Variants in CNTN3 observed in about 807,000 individuals in gnomAD.
CNTN3 encodes the protein contactin-3.
CNTN3 carries 60 observed loss-of-function variants against 119.1 expected under a neutral mutation model. That is an observed-to-expected ratio of 0.50 (90% confidence interval 0.41 to 0.62). The LOEUF is 0.62. Ranked by LOEUF, CNTN3 falls within the 20% of genes least tolerant of loss-of-function variation. CNTN3 has a pLI of 0.00. For synonymous variants in CNTN3, 450 were observed against 438.7 expected (o/e 1.03, Z -0.32); for missense variants, 1,101 against 1,242.4 (o/e 0.89, Z 1.71).
In CNTN3 at chr3:74,334,791, T is replaced by C; in HGVS notation, c.1612A>G (p.Asn538Asp). ...LLDIIFTWYF[N>D]GALADFKKDG... Reference sequence around the variant, plus strand: ...TTCTTAAAATCTGCAAGGGCCCCATTGAAATACCAGGTAAAGATGATGTCT... The same window carrying C: ...TTCTTAAAATCTGCAAGGGCCCCATCGAAATACCAGGTAAAGATGATGTCT... The change falls in exon 13 of 23, where the codon AAT becomes GAT. Residue 538 changes from asparagine (N) to aspartate (D), a missense_variant. By Grantham distance (23) the Asn-to-Asp change is conservative. Coordinates refer to ENST00000263665, the MANE Select transcript of CNTN3 (RefSeq NM_020872.3). 1 of 1,613,490 alleles carries C rather than the reference T, an allele frequency of 6.2e-7. No individual in the cohort carries two copies. The highest frequency in any genetic ancestry group is 8.5e-7 in the Non-Finnish European group (1 of 1,179,620).
At chr3:74,574,089 G>A (rs1023074880) in intron 1 of CNTN3, among the ~76,000 whole-genome samples, 1 of 152,096 alleles carries the variant, frequency 6.6e-6, no homozygotes, top group Admixed American at 6.5e-5. Context: ...TATGTTATAT[G>A]AATAAAATGG....
chr3:74,607,938 T>C (rs1203523995), intron 1 of CNTN3, among the ~76,000 whole-genome samples: 1 of 152,084 alleles, frequency 6.6e-6, no homozygotes, highest in African/African-American at 2.4e-5. Context: ...GACAACTGAA[T>C]AAGGTCTGCA....
At chr3:74,570,439 A>G (rs890208634) in intron 1 of CNTN3, among the ~76,000 whole-genome samples, 5 of 150,306 alleles carry the variant, frequency 3.3e-5, no homozygotes, top group Non-Finnish European at 7.4e-5. Context: ...AACTCTCTTG[A>G]TTTCTCTCAA....
At chr3:74,362,082 C>T (rs1704085785) in intron 10 of CNTN3, 42 bp from the exon 11 acceptor site, 2 of 1,596,382 alleles carry the variant, frequency 1.3e-6, no homozygotes, top group Middle Eastern at 3.7e-4. Context: ...GGATCATTTA[C>T]AAAACTTCTT....
chr3:74,435,998 A>G (rs1042985883), intron 4 of CNTN3, among the ~76,000 whole-genome samples: 3 of 152,164 alleles, frequency 2.0e-5, no homozygotes, highest in African/African-American at 7.2e-5. Flanking sequence ...GCCTATACAC[A>G]TATTTCCCAC....
chr3:74,288,158 TC>T (rs1196891781), intron 19 of CNTN3, among the ~76,000 whole-genome samples: 26,341 of 121,016 alleles, frequency 0.22, 3,305 homozygotes, highest in East Asian at 0.47. Flanking sequence ...TCTTTTCTTT[TC>T]TTTTTTTTTT....
Position 74,392,708 on chromosome 3 carries a change from T to C in CNTN3, c.455-21309A>G, listed in dbSNP as rs145580663. 6.9e-3 allele frequency among the ~76,000 whole-genome samples: 1,051 copies of C among 152,178 alleles called. 4 individuals are homozygous for C. Among genetic ancestry groups the C allele is most frequent in the Non-Finnish European group, 0.01 (702 of 68,004 alleles). On this transcript the variant is annotated intron_variant, in intron 5 of 22. Transcript: ENST00000263665. The stretch of plus-strand genomic sequence containing the variant: ...AAACATATATTAGAAAGATACCAAG[T>C]GATGATTGGTGCTACAAAAAGAGTA...
chr3:74,365,435 TAAAGG>T (rs1704165609), intron 9 of CNTN3, 126 bp downstream of exon 9: 1 of 1,174,194 alleles, frequency 8.5e-7, no homozygotes, highest in Non-Finnish European at 1.2e-6. Flanking sequence ...TGCTTAGAAG[TAAAGG>T]AAAGTGTGCA....
chr3:74,555,338 C>T (rs78478232), intron 1 of CNTN3, among the ~76,000 whole-genome samples: 2 of 152,162 alleles, frequency 1.3e-5, no homozygotes, highest in East Asian at 3.8e-4. Flanking sequence ...AGGATTTTTG[C>T]ATCAATGATC....
intron 1 of CNTN3, among the ~76,000 whole-genome samples, chr3:74,568,371 A>G (rs1704258762): frequency 6.6e-6 from 1 of 152,178 alleles, no homozygotes; most frequent in Non-Finnish European, 1.5e-5. Context: ...TTAACTTAAT[A>G]TGGCACCTCC....
chr3:74,306,826 A>C (rs1394988931), intron 13 of CNTN3, among the ~76,000 whole-genome samples: 1 of 152,220 alleles, frequency 6.6e-6, no homozygotes, highest in Non-Finnish European at 1.5e-5. Context: ...TTTATAAAGT[A>C]ACTATTCTAC....
chr3:74,384,152 A>C (rs776590658), intron 5 of CNTN3, among the ~76,000 whole-genome samples: 1 of 152,214 alleles, frequency 6.6e-6, no homozygotes, highest in Admixed American at 6.5e-5. Flanking sequence ...CTTTCTGTTT[A>C]TATTTTTCAA....
chr3:74,557,727 G>GGA (rs796745770), intron 1 of CNTN3, among the ~76,000 whole-genome samples: 6 of 136,978 alleles, frequency 4.4e-5, no homozygotes, highest in Non-Finnish European at 9.3e-5. Context: ...AGCAACAGAT[G>GGA]AAAAAAAAAA....
chr3:74,546,537 G>C (rs1373712922), intron 1 of CNTN3, among the ~76,000 whole-genome samples: 1 of 152,142 alleles, frequency 6.6e-6, no homozygotes, highest in African/African-American at 2.4e-5. Context: ...AGACTAGACT[G>C]GCTAAGTCTT....
chr3:74,327,101 T>C (rs1703150379), intron 13 of CNTN3, among the ~76,000 whole-genome samples: 1 of 138,484 alleles, frequency 7.2e-6, no homozygotes, highest in African/African-American at 2.7e-5. Context: ...TATGAAGGGT[T>C]AATCCTTTTT....
intron 20 of CNTN3, among the ~76,000 whole-genome samples, chr3:74,279,933 C>G (rs188540126): frequency 3.9e-4 from 59 of 152,120 alleles, no homozygotes; most frequent in African/African-American, 1.3e-3. Context: ...AATAGAATGA[C>G]TAAGACCTAC....
At chr3:74,569,054 C>G (rs1016040407) in intron 1 of CNTN3, among the ~76,000 whole-genome samples, 8 of 152,132 alleles carry the variant, frequency 5.3e-5, no homozygotes, top group African/African-American at 1.9e-4. Flanking sequence ...GGCTTTAAGC[C>G]CGGAGCCATA....
At chr3:74,423,027 C>T (rs1234247124) in intron 5 of CNTN3, among the ~76,000 whole-genome samples, 1 of 152,076 alleles carries the variant, frequency 6.6e-6, no homozygotes, top group Non-Finnish European at 1.5e-5. Flanking sequence ...GATCACAGAA[C>T]TTAGAGCTGT....
intron 1 of CNTN3, among the ~76,000 whole-genome samples, 102 bp downstream of exon 1, chr3:74,614,289 T>G (rs1429244889): frequency 1.3e-5 from 2 of 152,070 alleles, no homozygotes; most frequent in African/African-American, 2.4e-5. Context: ...CAAACAAACT[T>G]CGGGGCTGAG....
Sources: allele counts gnomAD v4.1 joint callset (sites outside exome capture counted in the v4.1 genomes callset), GRCh38; gene constraint gnomAD v4.1.1; transcripts MANE v1.5; gene names NCBI Gene and HGNC (gene_info 2026-07-23, HGNC 2026-07-21).